Variants in PDE4D observed in about 807,000 individuals in gnomAD.
PDE4D encodes 3',5'-cyclic-AMP phosphodiesterase 4D.
A neutral mutation model predicts 87.4 loss-of-function variants in PDE4D; 24 were observed. That is an observed-to-expected ratio of 0.27 (90% CI 0.20 to 0.39). PDE4D has a LOEUF of 0.39. Ranked by LOEUF, PDE4D falls within the 10% of genes least tolerant of loss-of-function variation. The pLI is 1.00. For synonymous variants in PDE4D, 384 were observed against 383.2 expected (o/e 1.00, Z -0.02); for missense variants, 714 against 1,041.0 (o/e 0.69, Z 4.32).
intron 1 of PDE4D, among the ~76,000 whole-genome samples, chr5:59,867,864 C>T (rs146573137): frequency 0.015 from 2,282 of 152,242 alleles, 39 homozygotes; most frequent in African/African-American, 0.042. Context: ...TTTGAGTAAA[C>T]ACATAAAAGA....
At chr5:59,941,778 C>G (rs112262117) in intron 3 of PDE4D, among the ~76,000 whole-genome samples, 340 of 152,316 alleles carry the variant, frequency 2.2e-3, no homozygotes, top group African/African-American at 7.9e-3. Flanking sequence ...ATTTATCTCT[C>G]CTGGTGTGGA....
chr5:59,776,164 G>T (rs1280763950), intron 1 of PDE4D, among the ~76,000 whole-genome samples: 1 of 151,976 alleles, frequency 6.6e-6, no homozygotes, highest in Non-Finnish European at 1.5e-5. Context: ...TTTTTATCTG[G>T]GATGCTTTAC....
intron 1 of PDE4D, among the ~76,000 whole-genome samples, chr5:60,473,124 AAAGGAAGG>A (rs562842272): frequency 0.096 from 7,735 of 80,646 alleles, 439 homozygotes; most frequent in East Asian, 0.18. Flanking sequence ...AGAGAGAAAG[AAAGGAAGG>A]AAGGAAGGAA....
intron 1 of PDE4D, among the ~76,000 whole-genome samples, chr5:59,253,890 T>C (rs1482524242): frequency 1.3e-5 from 2 of 152,066 alleles, no homozygotes; most frequent in African/African-American, 4.8e-5. Flanking sequence ...AATGAATACA[T>C]GAGTGAATAT....
At chr5:59,867,056 C>A (rs1747138798) in intron 1 of PDE4D, among the ~76,000 whole-genome samples, 1 of 152,066 alleles carries the variant, frequency 6.6e-6, no homozygotes. Context: ...AATTTGCAAA[C>A]TGGAAGTCAG....
chr5:60,258,437 T>C (rs772122560), intron 1 of PDE4D, among the ~76,000 whole-genome samples: 6 of 152,114 alleles, frequency 3.9e-5, no homozygotes, highest in Non-Finnish European at 7.4e-5. Context: ...CCCATTAAAA[T>C]CAGTCAATAT....
chr5:59,740,972 G>A (rs934123497), intron 1 of PDE4D, among the ~76,000 whole-genome samples: 74 of 152,118 alleles, frequency 4.9e-4, no homozygotes, highest in African/African-American at 1.8e-3. Flanking sequence ...TATGGAAAAT[G>A]GTTTAGTCTC....
In PDE4D at chr5:60,351,644, T is replaced by C; in HGVS notation, c.-90+136298A>G. Among the ~76,000 whole-genome samples the C allele has an allele frequency of 1.3e-5, 2 of 152,100 alleles. 1 individual carries two copies. Among genetic ancestry groups the C allele is most frequent in the African/African-American group, 4.8e-5 (2 of 41,426 alleles). ...GCCCCAAACTGCCTACTTTCAGACTTCTTTTAACATAATAAACACGTATGT... is the reference window on the plus strand; with the variant it reads ...GCCCCAAACTGCCTACTTTCAGACTCCTTTTAACATAATAAACACGTATGT... On this transcript the variant is annotated intron_variant, in intron 1 of 16. Transcript: ENST00000502484.
upstream of PDE4D, among the ~76,000 whole-genome samples, chr5:59,895,640 T>C (rs1751554737): frequency 6.6e-6 from 1 of 152,264 alleles, no homozygotes; most frequent in African/African-American, 2.4e-5. Flanking sequence ...GCCTTTTTCT[T>C]TTAATTCATT....
chr5:59,913,041 T>C (rs1301834602), intron 3 of PDE4D, among the ~76,000 whole-genome samples: 4 of 152,136 alleles, frequency 2.6e-5, no homozygotes, highest in Non-Finnish European at 5.9e-5. Flanking sequence ...GAAGGAGCAA[T>C]AGGCTAGTGT....
intron 1 of PDE4D, among the ~76,000 whole-genome samples, chr5:59,678,638 T>C (rs1561460312): frequency 6.6e-6 from 1 of 152,102 alleles, no homozygotes; most frequent in Non-Finnish European, 1.5e-5. Context: ...GATATTTCTG[T>C]ATTTTTAGTA....
chr5:60,173,826 T>C (rs1240616925), intron 2 of PDE4D, among the ~76,000 whole-genome samples: 4 of 151,994 alleles, frequency 2.6e-5, no homozygotes, highest in East Asian at 1.9e-4. Context: ...CCCCAGGGCA[T>C]TGGTGGAAAG....
At chr5:59,489,717 A>T (rs975515650) in intron 1 of PDE4D, among the ~76,000 whole-genome samples, 23 of 152,190 alleles carry the variant, frequency 1.5e-4, no homozygotes, top group Non-Finnish European at 3.1e-4. Context: ...ATTAAAAAGA[A>T]CTCAAAATGA....
intron 1 of PDE4D, among the ~76,000 whole-genome samples, chr5:60,499,184 TG>T (rs1487226754): frequency 7.2e-5 from 11 of 152,216 alleles, no homozygotes; most frequent in Non-Finnish European, 1.6e-4. Flanking sequence ...AAAAAACAAC[TG>T]GATCTGTGTA....
intron 5 of PDE4D, among the ~76,000 whole-genome samples, chr5:59,108,738 A>G (rs1386039652): frequency 1.3e-5 from 2 of 151,894 alleles, no homozygotes; most frequent in Non-Finnish European, 2.9e-5. Flanking sequence ...TACTAAAAAT[A>G]CAACAACGAC....
intron 1 of PDE4D, among the ~76,000 whole-genome samples, chr5:59,695,493 C>T (rs1028415545): frequency 1.3e-5 from 2 of 152,230 alleles, no homozygotes; most frequent in African/African-American, 4.8e-5. Flanking sequence ...TCAAGTCACT[C>T]TTGTCTGGGC....
At chr5:59,560,182 A>G (rs953636948) in intron 1 of PDE4D, among the ~76,000 whole-genome samples, 1 of 152,240 alleles carries the variant, frequency 6.6e-6, no homozygotes, top group African/African-American at 2.4e-5. Context: ...GAGTGACACC[A>G]TGTTTTTAAA....
At chr5:59,195,902 TAAG>T (rs572539304) in intron 2 of PDE4D, among the ~76,000 whole-genome samples, 249 of 152,262 alleles carry the variant, frequency 1.6e-3, no homozygotes, top group African/African-American at 5.7e-3. Flanking sequence ...GATACTTCGC[TAAG>T]AAGGACTCTT....
intron 2 of PDE4D, among the ~76,000 whole-genome samples, chr5:60,146,603 A>G (rs893522594): frequency 1.3e-5 from 2 of 152,230 alleles, no homozygotes; most frequent in African/African-American, 2.4e-5. Flanking sequence ...GTATTAAGAA[A>G]CAAAAGCAAA....
Sources: gnomAD v4.1 joint callset for allele counts (sites outside exome capture counted in the v4.1 genomes callset) on GRCh38, gnomAD v4.1.1 for gene constraint, MANE v1.5 for transcripts, NCBI Gene and HGNC (gene_info 2026-07-23, HGNC 2026-07-21) for gene names.